The following CTNNA3 variants were observed in gnomAD, a reference collection of about 807,000 sequenced individuals.
The protein encoded by CTNNA3 is catenin alpha-3.
A neutral mutation model predicts 95.7 loss-of-function variants in CTNNA3; 76 were observed. The observed-to-expected ratio is 0.79, with a 90% confidence interval of 0.66 to 0.96. The LOEUF (loss-of-function observed/expected upper bound fraction) is 0.96. Among genes scored for constraint, CTNNA3 ranks in the 40% least tolerant of loss-of-function variants. The probability of loss-of-function intolerance (pLI) is 0.00; values close to 1 mark genes in which losing one functional copy is unlikely to be tolerated. For synonymous variants in CTNNA3, 431 were observed against 374.4 expected (o/e 1.15, Z -1.74); for missense variants, 1,191 against 1,089.8 (o/e 1.09, Z -1.31).
intron 12 of CTNNA3, among the ~76,000 whole-genome samples, chr10:66,318,302 G>A (rs1055802614): frequency 1.3e-5 from 2 of 151,616 alleles, no homozygotes; most frequent in South Asian, 4.2e-4. Flanking sequence ...GTGTGTGTGT[G>A]TGTGTATGTG....
chr10:67,676,468 T>C (rs894930038), intron 1 of CTNNA3, among the ~76,000 whole-genome samples: 2 of 152,186 alleles, frequency 1.3e-5, no homozygotes, highest in Admixed American at 6.5e-5. Flanking sequence ...AGGTCATTAC[T>C]ATTAATTTTT....
At chr10:66,398,883 C>T (rs2092999658) in intron 11 of CTNNA3, among the ~76,000 whole-genome samples, 6 of 151,996 alleles carry the variant, frequency 3.9e-5, no homozygotes, top group Admixed American at 3.9e-4. Context: ...TCTCAGCAAC[C>T]TTGCCTGGAA....
At chr10:66,127,417 T>G (rs965988684) in intron 13 of CTNNA3, among the ~76,000 whole-genome samples, 5 of 152,082 alleles carry the variant, frequency 3.3e-5, no homozygotes, top group African/African-American at 1.2e-4. Context: ...TTCTCACTGG[T>G]CTTCCTCCCA....
At position 66,766,484 on chromosome 10, in the gene CTNNA3, C is replaced by T. The variant is rs1255545303; in HGVS notation, c.1129-68G>A. 5.8e-6 allele frequency: 8 copies of T among 1,386,250 alleles called. No homozygotes were observed. In the African/African-American group the frequency reaches 8.7e-5, roughly 15 times the overall value. 85.9% of individuals were successfully genotyped at this position (1,386,250 alleles called of 1,614,324 possible). On this transcript the variant is annotated intron_variant, in intron 8 of 17. Transcript: ENST00000433211. ...TAGTTCACTGTGTTTCCTTTTCTTA[C>T]AATCTCAGTAGTTACACAACTCATT...
At chr10:66,476,682 T>A (rs1409680721) in intron 11 of CTNNA3, among the ~76,000 whole-genome samples, 1 of 152,124 alleles carries the variant, frequency 6.6e-6, no homozygotes, top group Non-Finnish European at 1.5e-5. Context: ...ATTTTATAAT[T>A]CACAATGTTA....
intron 3 of CTNNA3, among the ~76,000 whole-genome samples, chr10:67,596,414 A>C (rs1452333933): frequency 6.6e-6 from 1 of 152,198 alleles, no homozygotes; most frequent in African/African-American, 2.4e-5. Context: ...ATGGAACACT[A>C]GGTGTAAATG....
rs565672375 is a variant in CTNNA3, at chr10:66,139,748, T to C, written c.1885-36499A>G. Among the ~76,000 whole-genome samples the C allele has an allele frequency of 5.3e-5, 8 of 152,328 alleles. No individual in the cohort carries two copies. In the East Asian group the frequency reaches 5.8e-4, roughly 11 times the overall value. The stretch of plus-strand genomic sequence containing the variant: ...ACATGGACAGACACTGCAAGCATTA[T>C]ACAGCTCTGGGCGGGAATCAGGCAG... On this transcript the variant is annotated intron_variant, in intron 13 of 17. Coordinates refer to ENST00000433211, the MANE Select transcript of CTNNA3 (RefSeq NM_013266.4).
chr10:66,163,125 G>C (rs2084936782), intron 13 of CTNNA3, among the ~76,000 whole-genome samples: 1 of 152,116 alleles, frequency 6.6e-6, no homozygotes, highest in Non-Finnish European at 1.5e-5. Flanking sequence ...ACTTGCCCCA[G>C]GCTACCTGCC....
chr10:66,597,507 C>CATATATATAT (rs1364695697), intron 10 of CTNNA3, among the ~76,000 whole-genome samples: 1 of 79,616 alleles, frequency 1.3e-5, no homozygotes, highest in African/African-American at 4.9e-5. Context: ...CATTTTATTT[C>CATATATATAT]ATACATATAT....
At chr10:67,749,592 C>T (rs1589588763) in intron 1 of CTNNA3, among the ~76,000 whole-genome samples, 2 of 152,060 alleles carry the variant, frequency 1.3e-5, no homozygotes, top group Non-Finnish European at 2.9e-5. Context: ...AGAGAGACAT[C>T]AAGAAGCTAT....
chr10:66,909,104 G>T (rs1846114144), intron 7 of CTNNA3, among the ~76,000 whole-genome samples: 1 of 152,086 alleles, frequency 6.6e-6, no homozygotes, highest in African/African-American at 2.4e-5. Flanking sequence ...TAAGCTAGGA[G>T]CCACTTGCGA....
At chr10:67,411,321 C>G (rs917504860) in intron 5 of CTNNA3, among the ~76,000 whole-genome samples, 1 of 152,100 alleles carries the variant, frequency 6.6e-6, no homozygotes, top group Non-Finnish European at 1.5e-5. Context: ...TAAATATATA[C>G]AATTTTTGTC....
At chr10:66,355,051 A>C (rs541466987) in intron 12 of CTNNA3, among the ~76,000 whole-genome samples, 16 of 152,284 alleles carry the variant, frequency 1.1e-4, no homozygotes, top group African/African-American at 3.6e-4. Flanking sequence ...AGGCAGGAAT[A>C]CACACGCTAG....
chr10:67,519,277 GA>G (rs1839912087), intron 5 of CTNNA3, among the ~76,000 whole-genome samples: 1 of 152,020 alleles, frequency 6.6e-6, no homozygotes, highest in African/African-American at 2.4e-5. Context: ...GAAGGGGACA[GA>G]AAATAAAACC....
intron 1 of CTNNA3, among the ~76,000 whole-genome samples, chr10:67,677,585 C>G (rs544581590): frequency 2.0e-5 from 3 of 152,130 alleles, no homozygotes; most frequent in Non-Finnish European, 2.9e-5. Context: ...CACAACCAAT[C>G]AAAAAGTCAG....
chr10:66,747,098 T>C (rs748741036), intron 9 of CTNNA3, among the ~76,000 whole-genome samples: 2 of 152,308 alleles, frequency 1.3e-5, no homozygotes, highest in African/African-American at 4.8e-5. Context: ...AAAGGCATAA[T>C]AGCCAAAGTC....
At chr10:66,234,252 T>A (rs10740225) in intron 13 of CTNNA3, among the ~76,000 whole-genome samples, 32,453 of 152,102 alleles carry the variant, frequency 0.21, 3,648 homozygotes, top group South Asian at 0.29. Context: ...CAACAACATG[T>A]TTACCAAATA....
intron 13 of CTNNA3, among the ~76,000 whole-genome samples, chr10:66,249,760 C>T (rs776799959): frequency 1.1e-4 from 17 of 152,030 alleles, no homozygotes; most frequent in Non-Finnish European, 2.4e-4. Flanking sequence ...TAAGGCGGAG[C>T]TTGCAGTGAG....
At chr10:66,264,695 C>T (rs6480155) in intron 13 of CTNNA3, among the ~76,000 whole-genome samples, 30,120 of 151,824 alleles carry the variant, frequency 0.2, 3,308 homozygotes, top group East Asian at 0.34. Flanking sequence ...ACTACTATAT[C>T]GGACAGTGCA....
Sources: gnomAD v4.1 joint callset for allele counts (sites outside exome capture counted in the v4.1 genomes callset) on GRCh38, gnomAD v4.1.1 for gene constraint, MANE v1.5 for transcripts, NCBI Gene and HGNC (gene_info 2026-07-23, HGNC 2026-07-21) for gene names.